The following DOCK4 variants were observed in gnomAD, a reference collection of about 807,000 sequenced individuals.
DOCK4 encodes dedicator of cytokinesis protein 4.
DOCK4 carries 97 observed loss-of-function variants against 268.1 expected under a neutral mutation model. The ratio of observed to expected loss-of-function variants is 0.36; its 90% confidence interval spans 0.31 to 0.43. The LOEUF is 0.43. Ranked by LOEUF, DOCK4 falls within the 20% of genes least tolerant of loss-of-function variation. The probability of loss-of-function intolerance (pLI) is 1.00; values close to 1 mark genes in which losing one functional copy is unlikely to be tolerated. For missense variants in DOCK4, 2,145 were observed against 2,455.7 expected (o/e 0.87, Z 2.67); for synonymous variants, 954 against 887.2 (o/e 1.08, Z -1.34).
At chr7:111,828,410 T>A (rs560020609) in intron 26 of DOCK4, among the ~76,000 whole-genome samples, 50 of 152,296 alleles carry the variant, frequency 3.3e-4, no homozygotes, top group African/African-American at 1.2e-3. Flanking sequence ...TTGAAAGACC[T>A]TTAGTCTTAG....
intron 25 of DOCK4, among the ~76,000 whole-genome samples, chr7:111,836,870 G>T (rs1338277992): frequency 1.3e-5 from 2 of 151,794 alleles, no homozygotes; most frequent in African/African-American, 2.4e-5. Context: ...AAGAAAAACA[G>T]AAAAAAGCAT....
At chr7:111,961,336 C>T (rs773254993) in intron 8 of DOCK4, among the ~76,000 whole-genome samples, 3 of 152,144 alleles carry the variant, frequency 2.0e-5, no homozygotes, top group Non-Finnish European at 2.9e-5. Context: ...TCCCTTCTGC[C>T]GTTGCTTCAG....
chr7:111,892,584 A>G (rs1421584872), intron 16 of DOCK4, among the ~76,000 whole-genome samples: 1 of 152,206 alleles, frequency 6.6e-6, no homozygotes, highest in Non-Finnish European at 1.5e-5. Context: ...CACTTCCCCT[A>G]ATACCCATTT....
At chr7:111,895,940 T>C (rs528290550) in intron 15 of DOCK4, among the ~76,000 whole-genome samples, 4 of 152,340 alleles carry the variant, frequency 2.6e-5, no homozygotes, top group Admixed American at 6.5e-5. Context: ...ATTTTCTTTA[T>C]GGGAATCACT....
At chr7:112,082,314 C>T (rs1372442550) in intron 1 of DOCK4, among the ~76,000 whole-genome samples, 15 of 152,090 alleles carry the variant, frequency 9.9e-5, no homozygotes, top group Admixed American at 9.8e-4. Flanking sequence ...GAAACAACAG[C>T]CATCACCATG....
chr7:111,735,883 T>G (rs1795440233), intron 50 of DOCK4, among the ~76,000 whole-genome samples: 1 of 152,138 alleles, frequency 6.6e-6, no homozygotes, highest in Admixed American at 6.6e-5. Context: ...GGTGGGCATG[T>G]TGAGAATTTC....
chr7:111,972,369 C>G (rs1268398351), intron 8 of DOCK4, among the ~76,000 whole-genome samples: 2 of 152,012 alleles, frequency 1.3e-5, no homozygotes, highest in Non-Finnish European at 2.9e-5. Context: ...TCTCTAGCCT[C>G]TCGGTGTCTT....
intron 41 of DOCK4, among the ~76,000 whole-genome samples, 181 bp downstream of exon 41, chr7:111,758,443 G>A (rs544466523): frequency 6.6e-6 from 1 of 152,260 alleles, no homozygotes; most frequent in Non-Finnish European, 1.5e-5. Flanking sequence ...GCTTGGTTAG[G>A]GAGCACTCCA....
At chr7:112,201,961 GACTTAC>G (rs1028293159) in intron 1 of DOCK4, among the ~76,000 whole-genome samples, 3 of 152,110 alleles carry the variant, frequency 2.0e-5, no homozygotes, top group African/African-American at 7.2e-5. Context: ...TTCTGTGCCA[GACTTAC>G]ACTTACTTCA....
At chr7:111,890,628 C>A (rs1282673559) in intron 16 of DOCK4, among the ~76,000 whole-genome samples, 5 of 152,156 alleles carry the variant, frequency 3.3e-5, no homozygotes, top group African/African-American at 1.2e-4. Context: ...TCCTTAGACC[C>A]TGCCTAAAAG....
At chr7:111,785,133 T>G (rs571825205) in intron 32 of DOCK4, among the ~76,000 whole-genome samples, 1 of 152,252 alleles carries the variant, frequency 6.6e-6, no homozygotes, top group East Asian at 1.9e-4. Context: ...GCATCCCTCA[T>G]CCTGTTTTTC....
At chr7:111,767,826 T>C (rs976804294) in intron 37 of DOCK4, among the ~76,000 whole-genome samples, 6 of 152,198 alleles carry the variant, frequency 3.9e-5, no homozygotes, top group African/African-American at 1.4e-4. Flanking sequence ...CTTGGCTTAG[T>C]TGTGCTTGCA....
At chr7:112,155,176 G>A (rs748616902) in intron 1 of DOCK4, among the ~76,000 whole-genome samples, 6 of 152,096 alleles carry the variant, frequency 3.9e-5, no homozygotes, top group African/African-American at 7.2e-5. Context: ...CTGTTTAACC[G>A]TCAAAATGAC....
chr7:111,742,785 A>C (rs1796006829), intron 44 of DOCK4, among the ~76,000 whole-genome samples: 2 of 152,334 alleles, frequency 1.3e-5, no homozygotes, highest in South Asian at 4.1e-4. Flanking sequence ...CAAGGTCAGG[A>C]GTTCAAGACC....
chr7:112,165,260 T>C (rs1462078761), intron 1 of DOCK4, among the ~76,000 whole-genome samples: 2 of 152,168 alleles, frequency 1.3e-5, no homozygotes, highest in African/African-American at 2.4e-5. Context: ...TTATTTCTTC[T>C]ATATTTGTGC....
chr7:111,862,023 GGGTGC>G (rs748856235), intron 23 of DOCK4, among the ~76,000 whole-genome samples: 6 of 152,044 alleles, frequency 3.9e-5, no homozygotes, highest in Non-Finnish European at 8.8e-5. Flanking sequence ...AAGCAAGGCC[GGGTGC>G]GGTGACTCAT....
intron 1 of DOCK4, among the ~76,000 whole-genome samples, chr7:112,007,126 T>G (rs1800924570): frequency 6.6e-6 from 1 of 152,194 alleles, no homozygotes; most frequent in Admixed American, 6.5e-5. Flanking sequence ...CGTGGGTCCA[T>G]GTGGAATACA....
chr7:111,758,928 C>T lies in DOCK4; in HGVS notation c.4163-138G>A. On this transcript the variant is annotated intron_variant, in intron 40 of 52. Coordinates refer to ENST00000428084, the MANE Select transcript of DOCK4 (RefSeq NM_001363540.2). Reference sequence around the variant, plus strand: ...TCAGTTGAAGTCATTAAAAAAATTACCAAGAAGACGCCAGGAACTCAGTTC... The same window carrying T: ...TCAGTTGAAGTCATTAAAAAAATTATCAAGAAGACGCCAGGAACTCAGTTC... 6 of 768,898 alleles carry T rather than the reference C, an allele frequency of 7.8e-6. No homozygotes were observed. In the South Asian group the frequency reaches 1.2e-4, roughly 16 times the overall value. 47.6% of individuals were successfully genotyped at this position (768,898 alleles called of 1,614,324 possible).
At chr7:111,984,492 C>A (rs1386400607) in intron 6 of DOCK4, 102 bp from the exon 7 acceptor site, 2 of 923,080 alleles carry the variant, frequency 2.2e-6, no homozygotes, top group Non-Finnish European at 3.3e-6. Flanking sequence ...AGGTATATCA[C>A]CCACCATGCT....
Sources: gnomAD v4.1 joint callset for allele counts (sites outside exome capture counted in the v4.1 genomes callset) on GRCh38, gnomAD v4.1.1 for gene constraint, MANE v1.5 for transcripts, NCBI Gene and HGNC (gene_info 2026-07-23, HGNC 2026-07-21) for gene names.